Variants in RIPOR2 observed in about 807,000 individuals in gnomAD.
The protein encoded by RIPOR2 is rho family-interacting cell polarization regulator 2.
RIPOR2 carries 39 observed loss-of-function variants against 114.5 expected under a neutral mutation model. The observed-to-expected ratio is 0.34, with a 90% CI of 0.26 to 0.44. The LOEUF (loss-of-function observed/expected upper bound fraction) is 0.44. RIPOR2 is among the 20% of genes least tolerant of loss of function. RIPOR2 has a pLI of 1.00. For missense variants in RIPOR2, 1,007 were observed against 1,255.1 expected (o/e 0.80, Z 2.99); for synonymous variants, 445 against 484.4 (o/e 0.92, Z 1.07).
At chr6:24,892,873 T>A (rs1263508718) in intron 1 of RIPOR2, among the ~76,000 whole-genome samples, 1 of 152,236 alleles carries the variant, frequency 6.6e-6, no homozygotes, top group Non-Finnish European at 1.5e-5. Flanking sequence ...TGGGATGTTT[T>A]AATATGTACT....
intron 1 of RIPOR2, among the ~76,000 whole-genome samples, chr6:24,999,208 C>T (rs768130923): frequency 9.9e-5 from 15 of 152,174 alleles, no homozygotes; most frequent in Non-Finnish European, 1.8e-4. Flanking sequence ...ACCAAGCTGA[C>T]TGAGACTGAC....
intron 1 of RIPOR2, among the ~76,000 whole-genome samples, chr6:24,888,446 T>C (rs1767031628): frequency 1.3e-5 from 2 of 152,214 alleles, no homozygotes; most frequent in Admixed American, 6.5e-5. Context: ...TTACTGAAAT[T>C]ACCATTTTTA....
At chr6:24,928,847 C>T (rs1771161677) in intron 1 of RIPOR2, among the ~76,000 whole-genome samples, 1 of 152,178 alleles carries the variant, frequency 6.6e-6, no homozygotes, top group Admixed American at 6.5e-5. Flanking sequence ...AAAATCTTTA[C>T]AAAGCTAGAT....
chr6:24,896,030 G>T (rs1387367960), intron 1 of RIPOR2, among the ~76,000 whole-genome samples: 1 of 152,050 alleles, frequency 6.6e-6, no homozygotes, highest in African/African-American at 2.4e-5. Context: ...AAATAAAAAA[G>T]AACTTCTTCA....
intron 6 of RIPOR2, 104 bp downstream of exon 6, chr6:24,868,989 TG>T: frequency 1.6e-6 from 1 of 606,676 alleles, no homozygotes. Flanking sequence ...AGGAGTCAAT[TG>T]GATAGGAAGT....
chr6:24,932,028 T>C (rs1410684), intron 1 of RIPOR2: 3 of 152,724 alleles, frequency 2.0e-5, no homozygotes, highest in Admixed American at 6.6e-5. Context: ...ATCATCATCA[T>C]CAGCAGCAGC....
rs757000879 is a variant in RIPOR2 at position 24,843,473 on chromosome 6, G to A, written c.1246C>T (p.Pro416Ser). The change falls in exon 13 of 22, where the codon CCC becomes TCC. Residue 416 changes from proline to serine, a missense_variant. Transcript: ENST00000643898. ...MPLSLSFSDL[P>S]NGDCALTSHS... is the part of the protein sequence containing the mutation. Reference sequence around the variant, plus strand: ...GAGGTGAGGGCGCAGTCCCCGTTGGGCAGGTCACTGAAGCTGAGCGACAGT... The same window carrying A: ...GAGGTGAGGGCGCAGTCCCCGTTGGACAGGTCACTGAAGCTGAGCGACAGT... 3 of 1,597,710 alleles carry A rather than the reference G, an allele frequency of 1.9e-6. No homozygotes were observed. The highest frequency in any genetic ancestry group is 1.7e-5 in the Admixed American group (1 of 58,954).
At chr6:24,856,711 T>A (rs200219822) in intron 8 of RIPOR2, among the ~76,000 whole-genome samples, 3 of 152,148 alleles carry the variant, frequency 2.0e-5, no homozygotes, top group East Asian at 1.9e-4. Context: ...ACAGAGATAG[T>A]GCCACTGCAC....
chr6:24,865,520 A>G, intron 6 of RIPOR2, 70 bp from the exon 7 acceptor site: 2 of 1,290,628 alleles, frequency 1.5e-6, no homozygotes, highest in African/African-American at 1.5e-5. Flanking sequence ...TCATTGTTAC[A>G]TGCTTAATTT....
chr6:24,880,855 C>CTATACCTGATATATACTCATA (rs1251733808), intron 1 of RIPOR2, among the ~76,000 whole-genome samples: 1 of 152,196 alleles, frequency 6.6e-6, no homozygotes, highest in Non-Finnish European at 1.5e-5. Context: ...GTAACATGCA[C>CTATACCTGATATATACTCATA]TATACCTGAT....
chr6:24,844,918 A>AT (rs1762106730), intron 12 of RIPOR2, among the ~76,000 whole-genome samples: 1 of 152,134 alleles, frequency 6.6e-6, no homozygotes, highest in Non-Finnish European at 1.5e-5. Flanking sequence ...AAATAAAAAC[A>AT]TTACAGCAAA....
intron 5 of RIPOR2, 139 bp from the exon 6 acceptor site, chr6:24,869,286 T>C: frequency 1.8e-6 from 1 of 541,896 alleles, no homozygotes; most frequent in East Asian, 3.1e-5. Flanking sequence ...TCTTTGAAGC[T>C]ATTTTAGAGA....
At chr6:25,015,858 T>G (rs1356633362) in intron 1 of RIPOR2, 1 of 147,976 alleles carries the variant, frequency 6.8e-6, no homozygotes. Context: ...AAGTTAATCA[T>G]GGTTGGAAAG....
intron 1 of RIPOR2, among the ~76,000 whole-genome samples, chr6:25,003,473 G>C (rs1423533851): frequency 6.6e-6 from 1 of 150,988 alleles, no homozygotes; most frequent in Non-Finnish European, 1.5e-5. Context: ...CTGTTGCCCA[G>C]ACTGGAGTGC....
At chr6:24,822,045 T>G (rs2113652883) in intron 19 of RIPOR2, among the ~76,000 whole-genome samples, 1 of 152,330 alleles carries the variant, frequency 6.6e-6, no homozygotes, top group Middle Eastern at 3.4e-3. Context: ...GAGCTATGAT[T>G]GCACCACCTG....
chr6:24,826,494 A>AT (rs10624769), intron 18 of RIPOR2, among the ~76,000 whole-genome samples: 1,603 of 148,210 alleles, frequency 0.011, 18 homozygotes, highest in Non-Finnish European at 0.016. Flanking sequence ...ATTTATTTAG[A>AT]TTTTTTTTTT....
At chr6:24,875,550 TCC>T in intron 2 of RIPOR2, 139 bp downstream of exon 2, 1 of 743,376 alleles carries the variant, frequency 1.3e-6, no homozygotes, top group Non-Finnish European at 2.2e-6. Flanking sequence ...TTTTAGTACA[TCC>T]TTTCCATGAA....
At chr6:25,039,806 C>T (rs1246782778) in intron 1 of RIPOR2, among the ~76,000 whole-genome samples, 5 of 152,050 alleles carry the variant, frequency 3.3e-5, no homozygotes, top group Admixed American at 6.6e-5. Context: ...ATTTAAGGTA[C>T]GCGCAAGTAA....
intron 18 of RIPOR2, among the ~76,000 whole-genome samples, chr6:24,826,225 C>G (rs1457664389): frequency 6.6e-6 from 1 of 152,042 alleles, no homozygotes; most frequent in African/African-American, 2.4e-5. Flanking sequence ...CCTTGCCTGG[C>G]CAGAGCAACC....
Sources: allele counts gnomAD v4.1 joint callset (sites outside exome capture counted in the v4.1 genomes callset), GRCh38; gene constraint gnomAD v4.1.1; transcripts MANE v1.5; gene names NCBI Gene and HGNC (gene_info 2026-07-23, HGNC 2026-07-21).